Variants in NEGR1 observed in about 807,000 individuals in gnomAD.
NEGR1 encodes the protein IgLON family member 4.
Under a neutral mutation model 40.9 loss-of-function variants are expected in NEGR1, and 10 were observed. The ratio of observed to expected loss-of-function variants is 0.24; its 90% CI spans 0.15 to 0.42. The LOEUF (loss-of-function observed/expected upper bound fraction) is 0.42, where lower values mean the gene tolerates loss of function less well. NEGR1 is among the 10% of genes least tolerant of loss of function. The pLI, the probability that NEGR1 is intolerant of heterozygous loss-of-function variation, is 1.00. For missense variants in NEGR1, 352 were observed against 438.9 expected (o/e 0.80, Z 1.77); for synonymous variants, 185 against 166.8 (o/e 1.11, Z -0.84).
intron 1 of NEGR1, among the ~76,000 whole-genome samples, chr1:72,140,222 T>TC (rs1363077512): frequency 3.7e-5 from 3 of 81,310 alleles, no homozygotes; most frequent in African/African-American, 1.1e-4. Flanking sequence ...AAGATAACTG[T>TC]TTTTGTTGTT....
intron 6 of NEGR1, among the ~76,000 whole-genome samples, chr1:71,441,617 A>G (rs905199764): frequency 6.6e-6 from 1 of 152,200 alleles, no homozygotes; most frequent in African/African-American, 2.4e-5. Context: ...AAGGGTTTTT[A>G]AAATCCCTTT....
chr1:72,267,016 T>C (rs1487722298), intron 1 of NEGR1, among the ~76,000 whole-genome samples: 2 of 151,096 alleles, frequency 1.3e-5, no homozygotes, highest in African/African-American at 4.8e-5. Context: ...TAATTCCTTA[T>C]AATATCGATG....
intron 6 of NEGR1, among the ~76,000 whole-genome samples, chr1:71,433,115 C>T (rs1301431626): frequency 1.3e-5 from 2 of 152,122 alleles, no homozygotes; most frequent in Non-Finnish European, 2.9e-5. Flanking sequence ...TCCCTTTTGC[C>T]CTTCTGCCTT....
At chr1:72,050,126 G>C (rs1647044696) in intron 1 of NEGR1, among the ~76,000 whole-genome samples, 1 of 151,388 alleles carries the variant, frequency 6.6e-6, no homozygotes, top group Non-Finnish European at 1.5e-5. Flanking sequence ...TGTAAAAAAG[G>C]TCAAAAAGTT....
rs556740789 is a variant in NEGR1 at position 72,007,786 on chromosome 1, T to C, written c.177-72475A>G. 1.1e-4 allele frequency among the ~76,000 whole-genome samples: 17 copies of C among 152,290 alleles called. No individual in the cohort carries two copies. In the South Asian group the frequency reaches 3.5e-3, roughly 32 times the overall value. ...CTCTAAAGATATAGGCCATTTTCTG[T>C]CATTTGCAAATAATTTCAGTTCTTT... is the stretch of plus-strand genomic sequence containing the variant. On this transcript the variant is annotated intron_variant, in intron 1 of 6. Coordinates refer to ENST00000357731, the MANE Select transcript of NEGR1 (RefSeq NM_173808.3).
Position 71,762,345 on chromosome 1 carries a change from G to A in NEGR1, c.535+13827C>T, listed in dbSNP as rs181933950. On this transcript the variant is annotated intron_variant, in intron 3 of 6. Transcript: ENST00000357731. Reference sequence around the variant, plus strand: ...TCAATAATTAAATTACATGTAAATGGTTTAAATACATCAATCAAAATAGAG... The same window carrying A: ...TCAATAATTAAATTACATGTAAATGATTTAAATACATCAATCAAAATAGAG... Among the ~76,000 whole-genome samples, 622 of 151,934 alleles carry A rather than the reference G, an allele frequency of 4.1e-3. 6 individuals carry two copies. Among genetic ancestry groups the A allele is most frequent in the Non-Finnish European group, 6.9e-3 (471 of 67,884 alleles).
At chr1:71,735,336 A>G (rs1288954330) in intron 3 of NEGR1, among the ~76,000 whole-genome samples, 1 of 152,126 alleles carries the variant, frequency 6.6e-6, no homozygotes, top group Non-Finnish European at 1.5e-5. Flanking sequence ...TTACCTCGAT[A>G]GTGATTTTTA....
intron 6 of NEGR1, chr1:71,487,134 T>G (rs1013505609): frequency 6.6e-6 from 1 of 151,678 alleles, no homozygotes; most frequent in Non-Finnish European, 1.5e-5. Context: ...TCTTCTTTTT[T>G]TTAAAAGACC....
intron 6 of NEGR1, among the ~76,000 whole-genome samples, chr1:71,443,828 A>G (rs929699430): frequency 6.6e-6 from 1 of 152,230 alleles, no homozygotes; most frequent in Admixed American, 6.5e-5. Flanking sequence ...GAACACAATA[A>G]TCTACAGCCA....
At chr1:72,112,888 C>T (rs1390628268) in intron 1 of NEGR1, among the ~76,000 whole-genome samples, 4 of 151,638 alleles carry the variant, frequency 2.6e-5, no homozygotes, top group Non-Finnish European at 4.4e-5. Flanking sequence ...TTTTCCCCGA[C>T]TTTTTTCAAG....
At chr1:71,719,578 C>T (rs927577118) in intron 3 of NEGR1, among the ~76,000 whole-genome samples, 6 of 151,510 alleles carry the variant, frequency 4.0e-5, no homozygotes, top group African/African-American at 1.5e-4. Context: ...CACTGAGTTT[C>T]CAGACGTTTG....
chr1:71,532,074 G>A (rs1419426892), intron 6 of NEGR1, among the ~76,000 whole-genome samples: 1 of 151,454 alleles, frequency 6.6e-6, no homozygotes, highest in Non-Finnish European at 1.5e-5. Flanking sequence ...TAACTCAGCA[G>A]TTACAAGAAA....
chr1:72,008,427 T>C (rs1285689002), intron 1 of NEGR1, among the ~76,000 whole-genome samples: 1 of 152,130 alleles, frequency 6.6e-6, no homozygotes, highest in East Asian at 1.9e-4. Context: ...ACATTCTAAG[T>C]GTGCTACACA....
At chr1:71,662,899 T>C (rs1231201712) in intron 4 of NEGR1, among the ~76,000 whole-genome samples, 1 of 151,926 alleles carries the variant, frequency 6.6e-6, no homozygotes, top group Middle Eastern at 3.2e-3. Flanking sequence ...TTATATCCAG[T>C]AATATCTACC....
chr1:71,761,014 AT>A (rs1431367514), intron 3 of NEGR1, among the ~76,000 whole-genome samples: 1 of 152,190 alleles, frequency 6.6e-6, no homozygotes. Context: ...CATAATTTTC[AT>A]GTTTTACTGT....
At chr1:71,701,767 A>C (rs1188276633) in intron 3 of NEGR1, among the ~76,000 whole-genome samples, 1 of 152,086 alleles carries the variant, frequency 6.6e-6, no homozygotes, top group East Asian at 1.9e-4. Flanking sequence ...AATATTTTTC[A>C]AAGGCAATAG....
chr1:71,794,241 A>C (rs1657234344), intron 2 of NEGR1: 2 of 152,202 alleles, frequency 1.3e-5, no homozygotes, highest in South Asian at 4.1e-4. Flanking sequence ...ATTACATTAA[A>C]TTCCATTTTA....
At chr1:71,651,237 T>C (rs923999915) in intron 4 of NEGR1, among the ~76,000 whole-genome samples, 1 of 152,176 alleles carries the variant, frequency 6.6e-6, no homozygotes, top group Admixed American at 6.5e-5. Flanking sequence ...AAGCTCCACT[T>C]GCTTGTAGAG....
chr1:72,127,463 C>CAAAAAA (rs56301492), intron 1 of NEGR1, among the ~76,000 whole-genome samples: 732 of 39,254 alleles, frequency 0.019, 95 homozygotes, highest in Middle Eastern at 0.042. Flanking sequence ...GGCTCTGTCT[C>CAAAAAA]AAAAAAAAAA....
Sources: allele counts gnomAD v4.1 joint callset (sites outside exome capture counted in the v4.1 genomes callset), GRCh38; gene constraint gnomAD v4.1.1; transcripts MANE v1.5; gene names NCBI Gene and HGNC (gene_info 2026-07-23, HGNC 2026-07-21).